The following CFAP54 variants were observed in gnomAD, a reference collection of about 807,000 sequenced individuals.
CFAP54 encodes the protein cilia- and flagella-associated protein 54.
Under a neutral mutation model 370.4 loss-of-function variants are expected in CFAP54, and 290 were observed. That is an observed-to-expected ratio of 0.78 (90% CI 0.71 to 0.86). CFAP54 has a LOEUF of 0.86. CFAP54 is among the 40% of genes least tolerant of loss of function. The pLI, the probability that CFAP54 is intolerant of heterozygous loss-of-function variation, is 0.00. For synonymous variants in CFAP54, 1,206 were observed against 1,236.5 expected (o/e 0.98, Z 0.52); for missense variants, 3,399 against 3,528.7 (o/e 0.96, Z 0.93).
chr12:96,651,684 G>T lies in CFAP54; in HGVS notation c.4969G>T (p.Ala1657Ser). ...GGAACTACAAATACTTCTTAAACAG[G>T]CAGTGGATCTTGATAAAACATTTCC... is the stretch of plus-strand genomic sequence containing the variant. Reference protein sequence around the residue: ...TQELQILLKQAVDLDKTFPIS... With the variant: ...TQELQILLKQSVDLDKTFPIS... Residue 1657 changes from alanine to serine, a missense_variant, in exon 36 of 68, where the codon GCA (alanine) becomes TCA (serine). This residue lies in a region of CFAP54 where 2,796 missense variants were observed against 2,869.7 expected (regional missense o/e 0.97). Transcript: ENST00000524981. 6.2e-7 allele frequency: 1 copy of T among 1,614,018 alleles called. No homozygotes were observed. The highest frequency in any genetic ancestry group is 1.7e-5 in the Admixed American group (1 of 60,026).
chr12:96,604,024 G>A (rs1197097350), intron 26 of CFAP54, among the ~76,000 whole-genome samples: 1 of 152,116 alleles, frequency 6.6e-6, no homozygotes, highest in East Asian at 1.9e-4. Flanking sequence ...TGTTCCTTTG[G>A]AGAAGAGGCG....
At chr12:96,550,031 G>C (rs1955678792) in intron 15 of CFAP54, among the ~76,000 whole-genome samples, 1 of 152,164 alleles carries the variant, frequency 6.6e-6, no homozygotes, top group African/African-American at 2.4e-5. Context: ...AAGTTTTACT[G>C]AACACAGAGC....
chr12:96,828,965 G>A, intron 65 of CFAP54, 49 bp from the exon 66 acceptor site: 1 of 927,654 alleles, frequency 1.1e-6, no homozygotes, highest in African/African-American at 1.7e-5. Context: ...GTAATATTTA[G>A]GTTTCTAATA....
intron 66 of CFAP54, among the ~76,000 whole-genome samples, chr12:96,845,803 G>A (rs1290089743): frequency 6.6e-6 from 1 of 152,170 alleles, no homozygotes; most frequent in Admixed American, 6.5e-5. Context: ...ATCCCTGACT[G>A]GTGATGAATA....
chr12:96,782,728 G>C (rs1643879022), intron 60 of CFAP54, among the ~76,000 whole-genome samples: 1 of 152,134 alleles, frequency 6.6e-6, no homozygotes, highest in South Asian at 2.1e-4. Context: ...ATTTGACAAA[G>C]TGATGCCAAA....
At position 96,576,716 on chromosome 12, in the gene CFAP54, T is replaced by G. The variant is rs1392894043; in HGVS notation, c.2751T>G (p.His917Gln). ...PPPPILLSRT[H>Q]CSVTLKPAPF... Reference sequence around the variant, plus strand: ...CACCTATCCTGCTGTCTCGAACTCATTGTTCTGTGACACTCAAACCTGCTC... The same window carrying G: ...CACCTATCCTGCTGTCTCGAACTCAGTGTTCTGTGACACTCAAACCTGCTC... The change falls in exon 20 of 68, where the codon CAT becomes CAG. Residue 917 changes from histidine to glutamine, a missense_variant. His to Gln is a conservative substitution (Grantham distance 24). Transcript: ENST00000524981. The G allele has an allele frequency of 6.5e-7, 1 of 1,535,812 alleles. No individual in the cohort carries two copies. The highest frequency in any genetic ancestry group is 8.7e-7 in the Non-Finnish European group (1 of 1,146,722).
intron 46 of CFAP54, among the ~76,000 whole-genome samples, chr12:96,703,377 C>T (rs1957512857): frequency 6.6e-6 from 1 of 152,104 alleles, no homozygotes; most frequent in Non-Finnish European, 1.5e-5. Context: ...CTCTCCTGAA[C>T]ATTCTTATGG....
At position 96,598,742 on chromosome 12, in the gene CFAP54, CTTG is replaced by C. The variant is rs1021411348; in HGVS notation, c.3619_3621del (p.Cys1207del). 4 of 637,584 alleles carry C rather than the reference CTTG, an allele frequency of 6.3e-6. No homozygotes were observed. The highest frequency in any genetic ancestry group is 2.2e-5 in the Admixed American group (1 of 44,772). 39.5% of individuals were successfully genotyped at this position (637,584 alleles called of 1,614,324 possible). On this transcript the variant is annotated inframe_deletion, in exon 26 of 68. Coordinates refer to ENST00000524981, the MANE Select transcript of CFAP54 (RefSeq NM_001306084.2). ...TTTGAAAGTATACAACACATGATAGCTTGTTGTATTTTCTACATAACAAAGGTA... is the reference window on the plus strand; with the variant it reads ...TTTGAAAGTATACAACACATGATAGCTTGTATTTTCTACATAACAAAGGTA...
At chr12:96,512,838 TATG>T (rs1334943647) in intron 4 of CFAP54, 145 bp from the exon 5 acceptor site, 3 of 380,350 alleles carry the variant, frequency 7.9e-6, no homozygotes, top group Non-Finnish European at 1.4e-5. Context: ...CAAGAAAAAT[TATG>T]ATGAGTATAA....
chr12:96,534,906 C>T (rs995010202), intron 11 of CFAP54, among the ~76,000 whole-genome samples: 1 of 151,660 alleles, frequency 6.6e-6, no homozygotes, highest in East Asian at 1.9e-4. Context: ...TTATAAGCCT[C>T]TTCAGTTTCT....
intron 5 of CFAP54, among the ~76,000 whole-genome samples, chr12:96,513,349 T>G (rs917633050): frequency 9.9e-5 from 15 of 152,160 alleles, no homozygotes; most frequent in Admixed American, 3.9e-4. Flanking sequence ...TGCTATAGCT[T>G]TAGGTAGGGT....
intron 45 of CFAP54, among the ~76,000 whole-genome samples, chr12:96,696,645 T>G (rs890560746): frequency 1.1e-4 from 16 of 152,154 alleles, no homozygotes; most frequent in African/African-American, 3.6e-4. Context: ...TAATTAATTA[T>G]AGAAATTGGA....
chr12:96,663,784 A>C, intron 38 of CFAP54, 46 bp from the exon 39 acceptor site: 1 of 1,376,844 alleles, frequency 7.3e-7, no homozygotes, highest in Non-Finnish European at 1.0e-6. Flanking sequence ...GAAATTTTTA[A>C]CTATAAATAC....
intron 17 of CFAP54, among the ~76,000 whole-genome samples, chr12:96,559,573 A>G (rs1190671997): frequency 6.6e-6 from 1 of 152,162 alleles, no homozygotes; most frequent in Non-Finnish European, 1.5e-5. Context: ...TTCTCTTTAC[A>G]TGCACATATA....
chr12:96,521,865 T>C lies in CFAP54; in HGVS notation c.951T>C (p.Ala317=). ...ATTTTAATCACATGTAGGCATTTGC[T>C]CGGCGTGCTTTGGCTAAAATTGATG... ...CHAGIHGEAF[A]RRALAKIDEL... is the part of the protein sequence containing the mutation. Residue 317 remains alanine (A), a synonymous_variant, in exon 7 of 68, where the codon GCT becomes GCC. Transcript: ENST00000524981. 6.6e-7 allele frequency: 1 copy of C among 1,525,638 alleles called. No homozygotes were observed. The highest frequency in any genetic ancestry group is 8.8e-7 in the Non-Finnish European group (1 of 1,138,524). 94.5% of individuals were successfully genotyped at this position (1,525,638 alleles called of 1,614,324 possible).
chr12:96,583,300 T>C (rs1956048183), intron 22 of CFAP54, among the ~76,000 whole-genome samples: 1 of 152,126 alleles, frequency 6.6e-6, no homozygotes, highest in African/African-American at 2.4e-5. Flanking sequence ...AAGTAGAAAA[T>C]GACTAGATAA....
intron 39 of CFAP54, among the ~76,000 whole-genome samples, chr12:96,677,437 AG>A (rs1957224184): frequency 6.6e-6 from 1 of 152,242 alleles, no homozygotes; most frequent in African/African-American, 2.4e-5. Context: ...AAAAGATAAA[AG>A]CCAAGCTCAT....
intron 63 of CFAP54, among the ~76,000 whole-genome samples, chr12:96,802,690 G>T (rs1243862354): frequency 2.0e-5 from 3 of 152,114 alleles, no homozygotes; most frequent in African/African-American, 7.2e-5. Flanking sequence ...TGCAGAACAT[G>T]CAGGTTTGTT....
At chr12:96,523,369 C>G (rs985937091) in intron 8 of CFAP54, among the ~76,000 whole-genome samples, 3 of 152,228 alleles carry the variant, frequency 2.0e-5, no homozygotes, top group African/African-American at 7.2e-5. Flanking sequence ...CTACTCCAAT[C>G]ACTGCTACTC....
Sources: allele counts gnomAD v4.1 joint callset (sites outside exome capture counted in the v4.1 genomes callset), GRCh38; gene constraint gnomAD v4.1.1; regional missense constraint gnomAD v4.1.1; transcripts MANE v1.5; gene names NCBI Gene and HGNC (gene_info 2026-07-23, HGNC 2026-07-21).